The following ERC2 variants were observed in gnomAD, a reference collection of about 807,000 sequenced individuals.
The protein encoded by ERC2 is ERC protein 2.
Under a neutral mutation model 114.8 loss-of-function variants are expected in ERC2, and 42 were observed. The ratio of observed to expected loss-of-function variants is 0.37; its 90% CI spans 0.29 to 0.47. ERC2 has a LOEUF of 0.47. Ranked by LOEUF, ERC2 falls within the 20% of genes least tolerant of loss-of-function variation. The probability of loss-of-function intolerance (pLI) is 0.99; values close to 1 mark genes in which losing one functional copy is unlikely to be tolerated. For synonymous variants in ERC2, 454 were observed against 425.5 expected, an observed-to-expected ratio of 1.07 and a Z score of -0.82; for missense variants, 939 against 1,150.7, an observed-to-expected ratio of 0.82 and a Z score of 2.66.
chr3:55,736,052 T>C (rs1017782255), intron 14 of ERC2, among the ~76,000 whole-genome samples: 2 of 152,156 alleles, frequency 1.3e-5, no homozygotes, highest in African/African-American at 4.8e-5. Context: ...TGCACTACTA[T>C]AAAAACATCT....
rs1390539850 is a variant in ERC2 at position 55,952,179 on chromosome 3, A to ACACACACT, written c.2268-1620_2268-1619insAGTGTGTG. ...CACACACACACACACACACACACACACTCTCTCTCTCTCTCTCTCTATATA... is the reference window on the plus strand; with the variant it reads ...CACACACACACACACACACACACACACACACACTCTCTCTCTCTCTCTCTCTCTATATA... On this transcript the variant is annotated intron_variant, in intron 12 of 17. Coordinates refer to ENST00000288221, the MANE Select transcript of ERC2 (RefSeq NM_015576.3). 3.2e-3 allele frequency among the ~76,000 whole-genome samples: 198 copies of ACACACACT among 62,078 alleles called. 1 individual carries two copies. Among genetic ancestry groups the ACACACACT allele is most frequent in the Non-Finnish European group, 4.5e-3 (138 of 30,706 alleles). The allele number at this position is 62,078 out of a possible 152,430, so 40.7% of individuals were successfully genotyped here.
At chr3:55,668,767 C>G (rs1007582465) in intron 17 of ERC2, among the ~76,000 whole-genome samples, 1 of 152,188 alleles carries the variant, frequency 6.6e-6, no homozygotes, top group African/African-American at 2.4e-5. Flanking sequence ...TTACCCTGTG[C>G]TAACCTCCAG....
intron 1 of ERC2, among the ~76,000 whole-genome samples, chr3:56,463,903 C>A (rs1015091387): frequency 6.6e-6 from 1 of 152,178 alleles, no homozygotes; most frequent in Non-Finnish European, 1.5e-5. Flanking sequence ...CTGTGTTCAC[C>A]ACTGCACTGA....
intron 17 of ERC2, among the ~76,000 whole-genome samples, chr3:55,594,056 C>T (rs568250083): frequency 7.9e-4 from 120 of 152,328 alleles, no homozygotes; most frequent in Non-Finnish European, 1.3e-3. Flanking sequence ...GTGCCTGGAA[C>T]TGTCTCCCTC....
At chr3:56,461,512 T>C (rs1166405163) in intron 1 of ERC2, among the ~76,000 whole-genome samples, 2 of 152,106 alleles carry the variant, frequency 1.3e-5, no homozygotes, top group Non-Finnish European at 2.9e-5. Context: ...TATTCTAGCA[T>C]GGAAGTGATG....
In ERC2 at chr3:55,847,192, G is replaced by A. The variant is rs562551076; in HGVS notation, c.2564+41197C>T. Among the ~76,000 whole-genome samples, 75 of 152,188 alleles carry A rather than the reference G, an allele frequency of 4.9e-4. 1 individual carries two copies. Among genetic ancestry groups the A allele is most frequent in the South Asian group, 3.3e-3 (16 of 4,822 alleles). On this transcript the variant is annotated intron_variant, in intron 14 of 17. Coordinates refer to ENST00000288221, the MANE Select transcript of ERC2 (RefSeq NM_015576.3). ...GGGGAAAATGAGGCAATTCACAAAGGAAAAAGTATAAATGGGAGAACTTTA... is the reference window on the plus strand; with the variant it reads ...GGGGAAAATGAGGCAATTCACAAAGAAAAAAGTATAAATGGGAGAACTTTA...
Position 55,935,163 on chromosome 3 carries a change from A to T in ERC2, c.2403+15262T>A, listed in dbSNP as rs368422620. 6.4e-4 allele frequency among the ~76,000 whole-genome samples: 98 copies of T among 152,348 alleles called. No individual in the cohort carries two copies. In the South Asian group the frequency reaches 0.016, roughly 24 times the overall value. On this transcript the variant is annotated intron_variant, in intron 13 of 17. Transcript: ENST00000288221. ...AGTCTGGAGAATAAGGCTGCTGATC[A>T]AAATAGGAAATGCTGGGTTTTAGGT...
chr3:56,458,530 G>A (rs1196927517), intron 1 of ERC2, among the ~76,000 whole-genome samples: 1 of 152,096 alleles, frequency 6.6e-6, no homozygotes, highest in East Asian at 1.9e-4. Flanking sequence ...TTCCCCTTGC[G>A]TGCCCACACT....
At chr3:55,746,081 T>C (rs918128981) in intron 14 of ERC2, among the ~76,000 whole-genome samples, 1 of 152,300 alleles carries the variant, frequency 6.6e-6, no homozygotes, top group African/African-American at 2.4e-5. Context: ...ATTGTTTATG[T>C]TTACATGGAA....
At chr3:56,161,988 T>C (rs2082073991) in intron 4 of ERC2, among the ~76,000 whole-genome samples, 1 of 152,152 alleles carries the variant, frequency 6.6e-6, no homozygotes, top group African/African-American at 2.4e-5. Context: ...GTGTCCACTT[T>C]TTGCCCATTC....
intron 10 of ERC2, among the ~76,000 whole-genome samples, chr3:56,006,015 T>A (rs541538700): frequency 1.3e-5 from 2 of 152,174 alleles, no homozygotes; most frequent in East Asian, 3.9e-4. Context: ...TAAATATTGC[T>A]TGAAATAAGT....
intron 2 of ERC2, among the ~76,000 whole-genome samples, chr3:56,371,626 C>T (rs954477264): frequency 2.0e-5 from 3 of 152,196 alleles, no homozygotes; most frequent in Non-Finnish European, 4.4e-5. Flanking sequence ...TCCCAGCAGC[C>T]ATATAAAGAG....
chr3:56,146,542 C>A (rs2081144976), intron 5 of ERC2, among the ~76,000 whole-genome samples: 1 of 152,110 alleles, frequency 6.6e-6, no homozygotes, highest in African/African-American at 2.4e-5. Flanking sequence ...TTAAATATAG[C>A]ACTTATTGTT....
At chr3:56,187,907 A>G (rs1356415322) in intron 3 of ERC2, among the ~76,000 whole-genome samples, 1 of 152,150 alleles carries the variant, frequency 6.6e-6, no homozygotes, top group Non-Finnish European at 1.5e-5. Flanking sequence ...TCTAACTTTA[A>G]GCTGGCAGTC....
At chr3:56,196,550 T>C (rs1331697433) in intron 3 of ERC2, among the ~76,000 whole-genome samples, 2 of 151,372 alleles carry the variant, frequency 1.3e-5, no homozygotes, top group Non-Finnish European at 2.9e-5. Context: ...AGATGAGTTA[T>C]TGAGAAGATA....
intron 15 of ERC2, among the ~76,000 whole-genome samples, chr3:55,701,752 G>A (rs1203501457): frequency 6.6e-6 from 1 of 152,194 alleles, no homozygotes; most frequent in Admixed American, 6.5e-5. Flanking sequence ...ACTAAGTACT[G>A]AGATTCCCCT....
At chr3:56,072,831 T>C (rs1475178832) in intron 7 of ERC2, among the ~76,000 whole-genome samples, 1 of 152,198 alleles carries the variant, frequency 6.6e-6, no homozygotes, top group African/African-American at 2.4e-5. Context: ...GCTATCTCTG[T>C]TCTGTCTCAA....
At chr3:55,688,108 G>C (rs998794430) in intron 16 of ERC2, among the ~76,000 whole-genome samples, 6 of 152,172 alleles carry the variant, frequency 3.9e-5, no homozygotes, top group Admixed American at 3.3e-4. Flanking sequence ...TATAATCTCT[G>C]GGGCCCATTT....
intron 3 of ERC2, among the ~76,000 whole-genome samples, chr3:56,250,050 G>A (rs1039034608): frequency 6.6e-6 from 1 of 151,892 alleles, no homozygotes; most frequent in Non-Finnish European, 1.5e-5. Context: ...TAGAGACGGG[G>A]TTTCGCCATT....
Sources: allele counts gnomAD v4.1 joint callset (sites outside exome capture counted in the v4.1 genomes callset), GRCh38; gene constraint gnomAD v4.1.1; transcripts MANE v1.5; gene names NCBI Gene and HGNC (gene_info 2026-07-23, HGNC 2026-07-21).